Variants in DOCK1 observed in about 807,000 individuals in gnomAD.
DOCK1 encodes the protein dedicator of cytokinesis protein 1.
Under a neutral mutation model 262.7 loss-of-function variants are expected in DOCK1, and 138 were observed. The observed-to-expected ratio is 0.53, with a 90% CI of 0.46 to 0.61. The LOEUF is 0.61. DOCK1 is among the 20% of genes least tolerant of loss of function. The probability of loss-of-function intolerance (pLI) is 0.00; values close to 1 mark genes in which losing one functional copy is unlikely to be tolerated. For missense variants in DOCK1, 1,908 were observed against 2,370.7 expected (o/e 0.80, Z 4.05); for synonymous variants, 866 against 867.4 (o/e 1.00, Z 0.03).
intron 27 of DOCK1, among the ~76,000 whole-genome samples, chr10:127,149,159 A>G (rs1022856759): frequency 6.6e-6 from 1 of 152,128 alleles, no homozygotes; most frequent in Non-Finnish European, 1.5e-5. Flanking sequence ...TCCCTTGCAT[A>G]ATTGTAAAAA....
rs529698262 is a variant in DOCK1, at chr10:127,331,561, C to G, written c.3045-7445C>G. Among the ~76,000 whole-genome samples, 154 of 152,234 alleles carry G rather than the reference C, an allele frequency of 1.0e-3. 1 individual carries two copies. Among genetic ancestry groups the G allele is most frequent in the Admixed American group, 4.4e-3 (67 of 15,288 alleles). On this transcript the variant is annotated intron_variant, in intron 29 of 51. Coordinates refer to ENST00000623213, the MANE Select transcript of DOCK1 (RefSeq NM_001290223.2). ...CCTCCCAAAGTGCTGGGATTACAGGCGTGAGCCACGGCGCCCGGCCCGGAT... is the reference window on the plus strand; with the variant it reads ...CCTCCCAAAGTGCTGGGATTACAGGGGTGAGCCACGGCGCCCGGCCCGGAT...
chr10:127,264,977 G>C (rs1233872483), intron 29 of DOCK1, among the ~76,000 whole-genome samples: 1 of 152,174 alleles, frequency 6.6e-6, no homozygotes, highest in African/African-American at 2.4e-5. Flanking sequence ...CCATGATGTA[G>C]ATCTTTATAT....
intron 27 of DOCK1, among the ~76,000 whole-genome samples, chr10:127,181,182 G>A (rs1386807011): frequency 1.3e-5 from 2 of 152,176 alleles, no homozygotes; most frequent in African/African-American, 4.8e-5. Flanking sequence ...ATGTATATAT[G>A]CATAGGTATA....
In DOCK1 at chr10:127,100,668, C is replaced by T. The variant is rs548385988; in HGVS notation, c.2446-5563C>T. ...AAGGGGCTGGGGGAGCAGGGCCCTG[C>T]GCAGGGAGCTGGAAGGAGGGTGGAG... On this transcript the variant is annotated intron_variant, in intron 23 of 51. Coordinates refer to ENST00000623213, the MANE Select transcript of DOCK1 (RefSeq NM_001290223.2). The surrounding 1 kb of genome is among the most constrained non-coding windows in gnomAD (Gnocchi z 5.5). Among the ~76,000 whole-genome samples, 18 of 152,020 alleles carry T rather than the reference C, an allele frequency of 1.2e-4. No individual in the cohort carries two copies. The highest frequency in any genetic ancestry group is 2.7e-4 in the African/African-American group (11 of 41,482).
intron 6 of DOCK1, 81 bp downstream of exon 6, chr10:126,990,684 C>G (rs2039727242): frequency 1.4e-6 from 2 of 1,447,054 alleles, no homozygotes; most frequent in Non-Finnish European, 9.2e-7. Flanking sequence ...AGACCAAGAT[C>G]ATATTTTATC....
chr10:126,907,523 C>T (rs898030923), intron 1 of DOCK1, among the ~76,000 whole-genome samples: 2 of 152,092 alleles, frequency 1.3e-5, no homozygotes, highest in African/African-American at 4.8e-5. Context: ...AGTGTGGCCG[C>T]CCTGGGTTCA....
At chr10:127,207,155 C>T (rs1391917818) in intron 27 of DOCK1, among the ~76,000 whole-genome samples, 1 of 152,198 alleles carries the variant, frequency 6.6e-6, no homozygotes. Context: ...CTTAATTGAG[C>T]TAACTCAATT....
chr10:126,931,912 C>T (rs1359652685), intron 1 of DOCK1, among the ~76,000 whole-genome samples: 1 of 152,116 alleles, frequency 6.6e-6, no homozygotes, highest in African/African-American at 2.4e-5. Context: ...ACTCAATCTC[C>T]CCTTCCAGAG....
intron 29 of DOCK1, among the ~76,000 whole-genome samples, chr10:127,299,758 C>T (rs1364561520): frequency 2.0e-5 from 3 of 152,146 alleles, no homozygotes; most frequent in Non-Finnish European, 4.4e-5. Context: ...GATGTGATCT[C>T]CTAGACCTAC....
chr10:127,133,513 G>A (rs1412018361), intron 27 of DOCK1, among the ~76,000 whole-genome samples: 3 of 152,028 alleles, frequency 2.0e-5, no homozygotes, highest in Admixed American at 1.3e-4. Context: ...GTGCACCAAT[G>A]GTTTTATAAG....
intron 11 of DOCK1, among the ~76,000 whole-genome samples, chr10:127,009,900 C>A (rs2135281348): frequency 6.6e-6 from 1 of 152,220 alleles, no homozygotes; most frequent in East Asian, 1.9e-4. Context: ...TTGAGTGCCA[C>A]TGGCTAAGAC....
At chr10:126,934,138 A>T (rs1180991529) in intron 1 of DOCK1, among the ~76,000 whole-genome samples, 6 of 148,606 alleles carry the variant, frequency 4.0e-5, no homozygotes, top group African/African-American at 1.5e-4. Flanking sequence ...TAAAACTCAG[A>T]TTTTTTTTTT....
chr10:126,994,627 G>A (rs553639597), intron 6 of DOCK1, among the ~76,000 whole-genome samples: 4 of 152,318 alleles, frequency 2.6e-5, no homozygotes, highest in East Asian at 1.9e-4. Context: ...CAGAGAGCAC[G>A]GGGTTGGGGG....
At chr10:127,332,689 G>A (rs544496132) in intron 29 of DOCK1, among the ~76,000 whole-genome samples, 59 of 152,232 alleles carry the variant, frequency 3.9e-4, no homozygotes, top group African/African-American at 1.4e-3. Flanking sequence ...GCATTACTTT[G>A]CCCTTGTGAT....
chr10:127,227,723 G>A (rs2058695960), intron 27 of DOCK1, among the ~76,000 whole-genome samples: 1 of 152,256 alleles, frequency 6.6e-6, no homozygotes, highest in Non-Finnish European at 1.5e-5. Context: ...TTTCCCTACA[G>A]CCCTGAGGTT....
At chr10:127,132,166 T>C (rs570594186) in intron 27 of DOCK1, among the ~76,000 whole-genome samples, 1 of 152,338 alleles carries the variant, frequency 6.6e-6, no homozygotes, top group South Asian at 2.1e-4. Context: ...AATATAAGGC[T>C]TTTCTTTATC....
At chr10:127,117,934 C>A (rs1320558210) in intron 25 of DOCK1, among the ~76,000 whole-genome samples, 1 of 152,134 alleles carries the variant, frequency 6.6e-6, no homozygotes, top group Non-Finnish European at 1.5e-5. Flanking sequence ...GCTTTAGGAC[C>A]TCTGTCTTTT....
chr10:127,311,606 G>T (rs2135500593), intron 29 of DOCK1, among the ~76,000 whole-genome samples: 1 of 152,288 alleles, frequency 6.6e-6, no homozygotes, highest in Non-Finnish European at 1.5e-5. Context: ...AAACACTTCT[G>T]GTTTTAAGCA....
At chr10:127,035,167 T>C in intron 18 of DOCK1, among the ~76,000 whole-genome samples, 1 of 152,216 alleles carries the variant, frequency 6.6e-6, no homozygotes, top group East Asian at 1.9e-4. Flanking sequence ...CGTCTAAGCA[T>C]CAACTCCCAC....
Sources: allele counts gnomAD v4.1 joint callset (sites outside exome capture counted in the v4.1 genomes callset), GRCh38; gene constraint gnomAD v4.1.1; non-coding constraint Gnocchi (gnomAD v3.1); transcripts MANE v1.5; gene names NCBI Gene and HGNC (gene_info 2026-07-23, HGNC 2026-07-21).